ABAT: variants seen among roughly 807,000 people sequenced by gnomAD.
ABAT encodes 4-aminobutyrate aminotransferase.
In ABAT, 45 loss-of-function variants were observed where a neutral mutation model predicts 64.6. The observed-to-expected ratio is 0.70, with a 90% CI of 0.55 to 0.89. The LOEUF (loss-of-function observed/expected upper bound fraction) is 0.89. Ranked by LOEUF, ABAT falls within the 40% of genes least tolerant of loss-of-function variation. The pLI is 0.00. For synonymous variants in ABAT, 297 were observed against 250.5 expected (o/e 1.19, Z -1.75); for missense variants, 633 against 658.4 (o/e 0.96, Z 0.42).
chr16:8,749,545 C>T (rs950902006), intron 4 of ABAT, among the ~76,000 whole-genome samples: 3 of 150,378 alleles, frequency 2.0e-5, no homozygotes, highest in Non-Finnish European at 4.4e-5. Flanking sequence ...ATTACAGGTG[C>T]CCGCCACTAT....
intron 1 of ABAT, among the ~76,000 whole-genome samples, chr16:8,727,419 TG>T (rs2058591306): frequency 6.6e-6 from 1 of 152,228 alleles, no homozygotes; most frequent in Non-Finnish European, 1.5e-5. Flanking sequence ...GCCTTATCCC[TG>T]CTTTCTTCAT....
intron 11 of ABAT, among the ~76,000 whole-genome samples, chr16:8,770,929 T>G (rs2060086835): frequency 6.6e-6 from 1 of 152,190 alleles, no homozygotes; most frequent in Non-Finnish European, 1.5e-5. Context: ...CTAAACAAAC[T>G]AAGATAGTCC....
At chr16:8,675,273 G>C (rs968500473) in intron 1 of ABAT, among the ~76,000 whole-genome samples, 2 of 152,032 alleles carry the variant, frequency 1.3e-5, no homozygotes, top group African/African-American at 4.8e-5. Flanking sequence ...CCTTAGCCCT[G>C]CCGGAGACCC....
intron 6 of ABAT, among the ~76,000 whole-genome samples, 168 bp downstream of exon 6, chr16:8,757,974 G>T (rs1178709089): frequency 6.6e-6 from 1 of 152,150 alleles, no homozygotes; most frequent in Non-Finnish European, 1.5e-5. Flanking sequence ...GAATGAAAAC[G>T]CAGTGCCGAC....
At chr16:8,731,994 C>T (rs2058734787) in intron 1 of ABAT, among the ~76,000 whole-genome samples, 1 of 152,006 alleles carries the variant, frequency 6.6e-6, no homozygotes, top group Admixed American at 6.6e-5. Flanking sequence ...GCTGGGATTA[C>T]AGGAGCTCAC....
intron 1 of ABAT, among the ~76,000 whole-genome samples, chr16:8,693,183 A>G (rs1418908040): frequency 6.6e-6 from 1 of 152,150 alleles, no homozygotes; most frequent in Non-Finnish European, 1.5e-5. Flanking sequence ...CTCCCCAAAA[A>G]CTTTACTACT....
At chr16:8,703,753 G>C (rs2057878831) in intron 1 of ABAT, among the ~76,000 whole-genome samples, 1 of 152,180 alleles carries the variant, frequency 6.6e-6, no homozygotes, top group Admixed American at 6.5e-5. Flanking sequence ...TAGTTTGAAG[G>C]CTTGGAATGC....
At chr16:8,708,785 G>T (rs1420613915) in intron 1 of ABAT, among the ~76,000 whole-genome samples, 1 of 152,194 alleles carries the variant, frequency 6.6e-6, no homozygotes, top group Admixed American at 6.5e-5. Context: ...ATAGCTCCGG[G>T]ATCTTGGGCA....
chr16:8,740,318 A>G (rs1174026293), intron 2 of ABAT, among the ~76,000 whole-genome samples: 1 of 152,208 alleles, frequency 6.6e-6, no homozygotes, highest in Non-Finnish European at 1.5e-5. Flanking sequence ...TGACTTAGCC[A>G]GATCCTCTGG....
intron 1 of ABAT, among the ~76,000 whole-genome samples, chr16:8,734,035 G>A (rs933378040): frequency 6.6e-6 from 1 of 152,070 alleles, no homozygotes; most frequent in Non-Finnish European, 1.5e-5. Flanking sequence ...CCATTCATCT[G>A]TCAATGGACG....
At chr16:8,678,769 G>T (rs1289865094) in intron 1 of ABAT, among the ~76,000 whole-genome samples, 2 of 152,164 alleles carry the variant, frequency 1.3e-5, no homozygotes, top group African/African-American at 4.8e-5. Context: ...AGAATGAGTA[G>T]ATTTTAGATG....
chr16:8,694,933 C>G (rs1303637701), intron 1 of ABAT, among the ~76,000 whole-genome samples: 1 of 152,188 alleles, frequency 6.6e-6, no homozygotes, highest in East Asian at 1.9e-4. Flanking sequence ...TCTGTGCTCC[C>G]GCCTACACTC....
intron 1 of ABAT, among the ~76,000 whole-genome samples, chr16:8,726,897 G>C (rs2058574337): frequency 6.6e-6 from 1 of 152,214 alleles, no homozygotes; most frequent in Non-Finnish European, 1.5e-5. Flanking sequence ...ACTGGGGTGA[G>C]ATGACAGCTC....
At chr16:8,728,160 G>C (rs1337455853) in intron 1 of ABAT, among the ~76,000 whole-genome samples, 3 of 152,324 alleles carry the variant, frequency 2.0e-5, no homozygotes, top group Middle Eastern at 3.4e-3. Context: ...GATTGAATTA[G>C]TGGATGAGAG....
intron 11 of ABAT, among the ~76,000 whole-genome samples, chr16:8,769,925 AT>A (rs1221656841): frequency 6.6e-6 from 1 of 152,154 alleles, no homozygotes; most frequent in Admixed American, 6.6e-5. Context: ...ATCAGTTCAT[AT>A]TTATTGAGCA....
intron 1 of ABAT, among the ~76,000 whole-genome samples, chr16:8,676,304 G>T (rs2057200940): frequency 6.6e-6 from 1 of 152,140 alleles, no homozygotes; most frequent in Non-Finnish European, 1.5e-5. Flanking sequence ...AAAAGGGGAA[G>T]AGACTTGCTC....
intron 1 of ABAT, among the ~76,000 whole-genome samples, chr16:8,685,707 C>T (rs932422512): frequency 2.0e-5 from 3 of 151,726 alleles, no homozygotes; most frequent in Admixed American, 2.0e-4. Flanking sequence ...ACAACAGCAA[C>T]ATCGAAAAAA....
At chr16:8,700,805 T>G (rs1394971899) in intron 1 of ABAT, among the ~76,000 whole-genome samples, 1 of 152,074 alleles carries the variant, frequency 6.6e-6, no homozygotes, top group African/African-American at 2.4e-5. Context: ...AGAGTCTCAC[T>G]ATGTTGCTCA....
chr16:8,723,953 G>A (rs1042923709), intron 1 of ABAT, among the ~76,000 whole-genome samples: 1 of 144,988 alleles, frequency 6.9e-6, no homozygotes, highest in African/African-American at 2.6e-5. Context: ...CAATTATCCT[G>A]TGTCAGCCTC....
Sources: gnomAD v4.1 joint callset for allele counts (sites outside exome capture counted in the v4.1 genomes callset) on GRCh38, gnomAD v4.1.1 for gene constraint, MANE v1.5 for transcripts, NCBI Gene and HGNC (gene_info 2026-07-23, HGNC 2026-07-21) for gene names.